GRIN2A: variants seen among roughly 807,000 people sequenced by gnomAD.
GRIN2A encodes the protein glutamate ionotropic receptor NMDA type subunit 2A.
A neutral mutation model predicts 113.4 loss-of-function variants in GRIN2A; 22 were observed. The ratio of observed to expected loss-of-function variants is 0.19; its 90% CI spans 0.14 to 0.28. GRIN2A has a LOEUF of 0.28. GRIN2A is among the 10% of genes least tolerant of loss of function. GRIN2A has a pLI of 1.00. For missense variants in GRIN2A, 1,502 were observed against 1,887.0 expected, an observed-to-expected ratio of 0.80 and a Z score of 3.78; for synonymous variants, 827 against 738.4, an observed-to-expected ratio of 1.12 and a Z score of -1.94.
intron 2 of GRIN2A, among the ~76,000 whole-genome samples, chr16:10,077,261 C>G (rs528975773): frequency 3.3e-5 from 5 of 152,166 alleles, no homozygotes; most frequent in African/African-American, 1.2e-4. Context: ...GTGCTTTAAG[C>G]CACTGTGTGT....
chr16:9,775,316 C>G (rs1754104658), intron 11 of GRIN2A, among the ~76,000 whole-genome samples: 1 of 152,150 alleles, frequency 6.6e-6, no homozygotes, highest in Admixed American at 6.5e-5. Context: ...TATTTCATGT[C>G]TGGTCAAGGA....
intron 2 of GRIN2A, among the ~76,000 whole-genome samples, chr16:10,071,939 G>C (rs1005250312): frequency 5.9e-5 from 9 of 152,198 alleles, no homozygotes; most frequent in African/African-American, 2.2e-4. Context: ...CAGAAAGGTG[G>C]GTAGGTTGCC....
At chr16:9,799,898 G>A (rs576908873) in intron 10 of GRIN2A, among the ~76,000 whole-genome samples, 1 of 152,072 alleles carries the variant, frequency 6.6e-6, no homozygotes, top group Admixed American at 6.6e-5. Flanking sequence ...CATTTCCTTA[G>A]AAATCCTATG....
chr16:9,970,156 T>G (rs2141734267), intron 2 of GRIN2A, among the ~76,000 whole-genome samples: 1 of 152,352 alleles, frequency 6.6e-6, no homozygotes, highest in Middle Eastern at 3.4e-3. Context: ...AGTAAGCACT[T>G]GACTTCAGCC....
intron 11 of GRIN2A, among the ~76,000 whole-genome samples, chr16:9,797,311 A>T (rs1903057094): frequency 6.6e-6 from 1 of 152,164 alleles, no homozygotes; most frequent in Non-Finnish European, 1.5e-5. Context: ...ATCTGAGCTG[A>T]CTTTGCTTTT....
intron 2 of GRIN2A, among the ~76,000 whole-genome samples, chr16:10,023,276 C>A (rs981484203): frequency 3.9e-5 from 6 of 152,192 alleles, no homozygotes; most frequent in African/African-American, 1.4e-4. Context: ...ACTCATCCAA[C>A]TGAGGCAGGG....
chr16:9,816,315 C>T (rs1416229710), intron 10 of GRIN2A, among the ~76,000 whole-genome samples: 1 of 152,184 alleles, frequency 6.6e-6, no homozygotes, highest in Non-Finnish European at 1.5e-5. Context: ...AGACAATCCT[C>T]TCTTCCAATT....
intron 10 of GRIN2A, among the ~76,000 whole-genome samples, chr16:9,822,013 A>C (rs1049972044): frequency 6.6e-6 from 1 of 152,208 alleles, no homozygotes; most frequent in Non-Finnish European, 1.5e-5. Flanking sequence ...CTTCTTTATC[A>C]GTTTAAGAAA....
chr16:9,897,746 A>T (rs1420536120), intron 3 of GRIN2A, among the ~76,000 whole-genome samples: 1 of 152,042 alleles, frequency 6.6e-6, no homozygotes, highest in African/African-American at 2.4e-5. Flanking sequence ...GTTACATGTG[A>T]CTTGCATTAT....
chr16:9,822,576 T>A, intron 9 of GRIN2A, 152 bp from the exon 10 acceptor site: 1 of 686,812 alleles, frequency 1.5e-6, no homozygotes, highest in Non-Finnish European at 2.6e-6. Context: ...AAAATGTTGC[T>A]TTTTGGTCTT....
At chr16:10,000,087 C>CT (rs1418639754) in intron 2 of GRIN2A, among the ~76,000 whole-genome samples, 1 of 152,144 alleles carries the variant, frequency 6.6e-6, no homozygotes, top group Admixed American at 6.6e-5. Context: ...CTCTGACTCT[C>CT]TCCCTCCTGC....
Position 9,760,753 on chromosome 16 carries a change from C to A in GRIN2A, c.*2396G>T, listed in dbSNP as rs113138480. On this transcript the variant is annotated 3_prime_UTR_variant, in exon 13 of 13. Transcript: ENST00000330684. ...AAGACAGAAAGCCTCTTTGGCTTGA[C>A]GACAAATCACTCTTCTGTATTCTGG... 3 of 229,036 alleles carry A rather than the reference C, an allele frequency of 1.3e-5. No individual in the cohort carries two copies. The highest frequency in any genetic ancestry group is 2.6e-5 in the Non-Finnish European group (3 of 115,412). 14.2% of individuals were successfully genotyped at this position (229,036 alleles called of 1,614,324 possible).
At chr16:9,970,748 GA>G (rs2045654625) in intron 2 of GRIN2A, 2 of 970,560 alleles carry the variant, frequency 2.1e-6, no homozygotes, top group South Asian at 9.5e-5. Context: ...CCTACCTTAA[GA>G]AAATTACAGG....
At chr16:9,858,759 A>G (rs16966510) in intron 4 of GRIN2A, among the ~76,000 whole-genome samples, 5,874 of 152,278 alleles carry the variant, frequency 0.039, 376 homozygotes, top group African/African-American at 0.13. Context: ...CTTAGAGCAG[A>G]GATAATTTCA....
chr16:10,024,770 T>C (rs1031509555), intron 2 of GRIN2A, among the ~76,000 whole-genome samples: 4 of 152,076 alleles, frequency 2.6e-5, no homozygotes, highest in African/African-American at 9.7e-5. Flanking sequence ...ACTGAAGAGG[T>C]AGGCACAATA....
intron 2 of GRIN2A, 59 bp downstream of exon 2, chr16:10,179,939 A>C (rs1388637970): frequency 4.8e-6 from 6 of 1,254,776 alleles, no homozygotes; most frequent in Admixed American, 1.9e-5. Context: ...GACCTGCAGC[A>C]GCTGCCATGC....
chr16:9,754,588 C>T lies in GRIN2A; in HGVS notation c.*8561G>A, dbSNP rs1219647406. 4.7e-6 allele frequency: 1 copy of T among 211,814 alleles called. No individual in the cohort carries two copies. Among genetic ancestry groups the T allele is most frequent in the Non-Finnish European group, 9.5e-6 (1 of 104,788 alleles). 13.1% of individuals were successfully genotyped at this position (211,814 alleles called of 1,614,324 possible). A position where few individuals can be genotyped will look rare whatever the true frequency, so the allele number is the denominator to read the frequency against. Reference sequence around the variant, plus strand: ...TTTTGTTTTTAAACTGAAACATTTACGTAAGTGGTCATGGCCCCAGAGCTT... The same window carrying T: ...TTTTGTTTTTAAACTGAAACATTTATGTAAGTGGTCATGGCCCCAGAGCTT... On this transcript the variant is annotated 3_prime_UTR_variant, in exon 13 of 13. Coordinates refer to ENST00000330684, the MANE Select transcript of GRIN2A (RefSeq NM_001134407.3).
chr16:9,780,722 G>GA (rs1461936688), intron 11 of GRIN2A, among the ~76,000 whole-genome samples: 4 of 152,170 alleles, frequency 2.6e-5, no homozygotes, highest in Non-Finnish European at 4.4e-5. Context: ...GTAACAAATA[G>GA]AAAAAAACAG....
In GRIN2A at chr16:9,952,245, G is replaced by C. The variant is rs542841002; in HGVS notation, c.415-13694C>G. 1.4e-4 allele frequency among the ~76,000 whole-genome samples: 21 copies of C among 152,258 alleles called. No homozygotes were observed. The South Asian group carries it at 4.4e-3, about 32-fold the overall frequency. On this transcript the variant is annotated intron_variant, in intron 2 of 12. Coordinates refer to ENST00000330684, the MANE Select transcript of GRIN2A (RefSeq NM_001134407.3). ...GCTCAGGGCACCAAGGGAATGCAGA[G>C]GAAGGGGACCCACCCAACCCAGCAA...
Sources: gnomAD v4.1 joint callset for allele counts (sites outside exome capture counted in the v4.1 genomes callset) on GRCh38, gnomAD v4.1.1 for gene constraint, MANE v1.5 for transcripts, NCBI Gene and HGNC (gene_info 2026-07-23, HGNC 2026-07-21) for gene names.